NRG1: variants seen among roughly 807,000 people sequenced by gnomAD.
The protein encoded by NRG1 is pro-neuregulin-1, membrane-bound isoform.
Under a neutral mutation model 63.8 loss-of-function variants are expected in NRG1, and 18 were observed. That is an observed-to-expected ratio of 0.28 (90% CI 0.19 to 0.42). The LOEUF is 0.42. Ranked by LOEUF, NRG1 falls within the 10% of genes least tolerant of loss-of-function variation. The pLI is 1.00. For missense variants in NRG1, 762 were observed against 814.7 expected, an observed-to-expected ratio of 0.94 and a Z score of 0.79; for synonymous variants, 302 against 301.3, an observed-to-expected ratio of 1.00 and a Z score of -0.02.
intron 1 of NRG1, among the ~76,000 whole-genome samples, chr8:32,316,682 A>C (rs1857432658): frequency 6.6e-6 from 1 of 152,056 alleles, no homozygotes; most frequent in African/African-American, 2.4e-5. Flanking sequence ...CTCCAGCGTT[A>C]CCTTTTCTTT....
chr8:32,585,366 T>C (rs1563708007), intron 1 of NRG1, among the ~76,000 whole-genome samples: 1 of 152,104 alleles, frequency 6.6e-6, no homozygotes, highest in Non-Finnish European at 1.5e-5. Context: ...TGTCCGAGAG[T>C]GAGATGTTCT....
chr8:32,736,368 G>C (rs1825061593), intron 6 of NRG1, among the ~76,000 whole-genome samples: 1 of 152,198 alleles, frequency 6.6e-6, no homozygotes, highest in South Asian at 2.1e-4. Flanking sequence ...AGCTGGCTAA[G>C]AGGTGAGAAA....
At chr8:32,635,632 G>A (rs1413578295) in intron 5 of NRG1, among the ~76,000 whole-genome samples, 1 of 152,042 alleles carries the variant, frequency 6.6e-6, no homozygotes, top group Non-Finnish European at 1.5e-5. Flanking sequence ...CTGTCTCTGG[G>A]AGCACAGTTA....
intron 1 of NRG1, among the ~76,000 whole-genome samples, chr8:31,724,054 A>T (rs916955545): frequency 6.6e-6 from 1 of 152,064 alleles, no homozygotes; most frequent in Admixed American, 6.6e-5. Context: ...ATAAACACTT[A>T]ATAAAAGTGA....
intron 1 of NRG1, among the ~76,000 whole-genome samples, chr8:32,487,169 G>A (rs1164582826): frequency 5.4e-5 from 8 of 147,710 alleles, no homozygotes; most frequent in African/African-American, 1.5e-4. Flanking sequence ...AAAAAATAAC[G>A]TAAAACAGTG....
At chr8:31,838,777 GA>G (rs969030196) in intron 1 of NRG1, among the ~76,000 whole-genome samples, 13 of 151,676 alleles carry the variant, frequency 8.6e-5, no homozygotes, top group Non-Finnish European at 1.3e-4. Flanking sequence ...TTTCACTTTA[GA>G]AAAAAAATAT....
At chr8:32,648,076 A>T in intron 5 of NRG1, 1 of 1,613,890 alleles carries the variant, frequency 6.2e-7, no homozygotes, top group Non-Finnish European at 8.5e-7. Context: ...TTAGGCCAGG[A>T]CCCTATTATT....
intron 11 of NRG1, chr8:32,763,400 T>C: frequency 1.9e-6 from 3 of 1,602,662 alleles, no homozygotes; most frequent in Non-Finnish European, 2.6e-6. Context: ...TCCGAATCCC[T>C]GAGCCTTGGT....
intron 1 of NRG1, among the ~76,000 whole-genome samples, chr8:32,378,909 G>A (rs576165944): frequency 6.6e-6 from 1 of 152,008 alleles, no homozygotes; most frequent in Non-Finnish European, 1.5e-5. Flanking sequence ...TGAGAATGAT[G>A]GTTTCCAGTT....
In NRG1 at chr8:32,069,116, G is replaced by A. The variant is rs559511819; in HGVS notation, c.37+429685G>A. On this transcript the variant is annotated intron_variant, in intron 1 of 10. Coordinates refer to the NRG1 transcript ENST00000519301. ...TATCTCCTTGAAGGAGGGATGAACCGTCCTCAGGGTCTGTCTGCTCACAGG... is the reference window on the plus strand; with the variant it reads ...TATCTCCTTGAAGGAGGGATGAACCATCCTCAGGGTCTGTCTGCTCACAGG... 3.3e-5 allele frequency among the ~76,000 whole-genome samples: 5 copies of A among 152,260 alleles called. No individual in the cohort carries two copies. The South Asian group carries it at 1.0e-3, about 32-fold the overall frequency.
intron 1 of NRG1, among the ~76,000 whole-genome samples, chr8:32,044,189 GA>G (rs1820554993): frequency 6.6e-6 from 1 of 151,764 alleles, no homozygotes; most frequent in African/African-American, 2.4e-5. Flanking sequence ...TCAAAGCAAG[GA>G]AAATGACTGG....
intron 1 of NRG1, among the ~76,000 whole-genome samples, chr8:32,474,650 G>A (rs926833895): frequency 3.9e-5 from 6 of 152,034 alleles, no homozygotes; most frequent in Non-Finnish European, 7.4e-5. Flanking sequence ...GTGCCACCAC[G>A]CCTAGCTAAT....
chr8:32,691,578 T>C (rs183640776), intron 5 of NRG1, among the ~76,000 whole-genome samples: 364 of 152,314 alleles, frequency 2.4e-3, no homozygotes, highest in African/African-American at 8.2e-3. Flanking sequence ...AAATTTTCTA[T>C]ATACTAGTGA....
At chr8:32,225,756 C>T (rs1016922215) in intron 1 of NRG1, among the ~76,000 whole-genome samples, 3 of 152,264 alleles carry the variant, frequency 2.0e-5, no homozygotes, top group Middle Eastern at 3.4e-3. Context: ...AGACATGACA[C>T]CACAGGGAAA....
At chr8:31,829,633 G>A (rs1824912969) in intron 1 of NRG1, among the ~76,000 whole-genome samples, 1 of 152,118 alleles carries the variant, frequency 6.6e-6, no homozygotes, top group African/African-American at 2.4e-5. Flanking sequence ...TTTCTAAGGA[G>A]CATTTGATAA....
intron 5 of NRG1, among the ~76,000 whole-genome samples, chr8:32,714,415 A>G (rs1350426815): frequency 2.6e-5 from 4 of 152,222 alleles, no homozygotes; most frequent in Non-Finnish European, 5.9e-5. Flanking sequence ...TAACTATTGA[A>G]TCAATTTATG....
intron 1 of NRG1, among the ~76,000 whole-genome samples, chr8:31,730,108 C>T (rs902406709): frequency 1.3e-5 from 2 of 152,060 alleles, no homozygotes; most frequent in Non-Finnish European, 2.9e-5. Context: ...AGCAGTCAGT[C>T]CAAAAACAAC....
chr8:32,258,173 C>T (rs900101), intron 1 of NRG1, among the ~76,000 whole-genome samples: 1 of 152,174 alleles, frequency 6.6e-6, no homozygotes, highest in Non-Finnish European at 1.5e-5. Context: ...CTGAAGGCTT[C>T]CTTATGCATT....
chr8:31,984,920 C>A (rs1363590063), intron 1 of NRG1, among the ~76,000 whole-genome samples: 1 of 152,072 alleles, frequency 6.6e-6, no homozygotes, highest in African/African-American at 2.4e-5. Context: ...AGCATTTGCA[C>A]TGGGGGTCGT....
Sources: allele counts gnomAD v4.1 joint callset (sites outside exome capture counted in the v4.1 genomes callset), GRCh38; gene constraint gnomAD v4.1.1; transcripts MANE v1.5; gene names NCBI Gene and HGNC (gene_info 2026-07-23, HGNC 2026-07-21).